The following SNX9 variants were observed in gnomAD, a reference collection of about 807,000 sequenced individuals.
SNX9 encodes the protein sorting nexin-9.
Under a neutral mutation model 89.4 loss-of-function variants are expected in SNX9, and 44 were observed. The observed-to-expected ratio is 0.49, with a 90% CI of 0.39 to 0.63. The LOEUF (loss-of-function observed/expected upper bound fraction) is 0.63. SNX9 is among the 30% of genes least tolerant of loss of function. SNX9 has a pLI of 0.00. For missense variants in SNX9, 578 were observed against 736.1 expected (o/e 0.79, Z 2.49); for synonymous variants, 236 against 247.8 (o/e 0.95, Z 0.45).
chr6:157,899,538 C>T (rs1489079823), intron 5 of SNX9, among the ~76,000 whole-genome samples: 3 of 151,968 alleles, frequency 2.0e-5, no homozygotes, highest in South Asian at 2.1e-4. Context: ...TTTGGGAGGC[C>T]GAGGCAGGCG....
At position 157,938,742 on chromosome 6, in the gene SNX9, T is replaced by C; in HGVS notation, c.1643T>C (p.Leu548Ser). ...AGAGTCAGCATCATGTCTTACGCGT[T>C]GCAAGGTAAGATGAAAGGGTCCTTA... ...VKRVSIMSYA[L>S]QAEMNHFHSN... is the part of the protein sequence containing the mutation. The change falls in exon 16 of 18, where the codon TTG becomes TCG. Residue 548 changes from leucine to serine, a missense_variant. Leu to Ser is a moderately radical substitution (Grantham distance 145). Transcript: ENST00000392185. The C allele has an allele frequency of 6.2e-7, 1 of 1,612,180 alleles. No homozygotes were observed. Among genetic ancestry groups the C allele is most frequent in the Non-Finnish European group, 8.5e-7 (1 of 1,178,768 alleles).
intron 1 of SNX9, among the ~76,000 whole-genome samples, chr6:157,843,153 CAGCTT>C (rs1781735930): frequency 6.6e-6 from 1 of 152,106 alleles, no homozygotes; most frequent in South Asian, 2.1e-4. Context: ...CCTTTCTGTA[CAGCTT>C]AGGTGGTGCC....
In SNX9 at chr6:157,943,145, G is replaced by A. The variant is rs1228601929; in HGVS notation, c.*307G>A. On this transcript the variant is annotated 3_prime_UTR_variant, in exon 18 of 18. Transcript: ENST00000392185. ...TTTCTCCCCACTGATATTTTACATA[G>A]AGTCATAATTTATATGTCTTATAAA... is the stretch of plus-strand genomic sequence containing the variant. 4.1e-6 allele frequency: 1 copy of A among 246,852 alleles called. No individual in the cohort carries two copies. Among genetic ancestry groups the A allele is most frequent in the African/African-American group, 2.2e-5 (1 of 44,624 alleles). The allele number at this position is 246,852 out of a possible 1,614,324, so 15.3% of individuals were successfully genotyped here. A position where few individuals can be genotyped will look rare whatever the true frequency, so the allele number is the denominator to read the frequency against.
chr6:157,925,083 A>T (rs1235920186), intron 10 of SNX9, among the ~76,000 whole-genome samples: 1 of 152,220 alleles, frequency 6.6e-6, no homozygotes, highest in African/African-American at 2.4e-5. Flanking sequence ...CAGCCATGAC[A>T]AGCGAAAAAC....
intron 6 of SNX9, among the ~76,000 whole-genome samples, chr6:157,902,534 G>C (rs770267840): frequency 3.1e-4 from 47 of 152,226 alleles, no homozygotes; most frequent in African/African-American, 1.1e-3. Context: ...GAGACGCATC[G>C]AGTGTTCCAG....
chr6:157,824,899 C>G (rs528832097), intron 1 of SNX9, among the ~76,000 whole-genome samples: 2 of 152,276 alleles, frequency 1.3e-5, no homozygotes, highest in African/African-American at 4.8e-5. Context: ...GCCAGACATT[C>G]CAGAAATTAC....
chr6:157,828,310 C>CAAAAAAAAAAA (rs371428014), intron 1 of SNX9, among the ~76,000 whole-genome samples: 99 of 152,110 alleles, frequency 6.5e-4, no homozygotes, highest in African/African-American at 2.3e-3. Context: ...AAAAATGTTG[C>CAAAAAAAAAAA]AGTTTTTCTA....
intron 5 of SNX9, among the ~76,000 whole-genome samples, chr6:157,899,769 G>T (rs547593516): frequency 6.6e-6 from 1 of 151,790 alleles, no homozygotes; most frequent in Admixed American, 6.6e-5. Flanking sequence ...GCGAGGCTCC[G>T]TCTCAAAAAA....
intron 2 of SNX9, among the ~76,000 whole-genome samples, chr6:157,872,211 G>A (rs903702994): frequency 1.3e-5 from 2 of 152,020 alleles, no homozygotes; most frequent in Non-Finnish European, 2.9e-5. Flanking sequence ...TTAATATTTA[G>A]ATAAAGTTTC....
chr6:157,940,474 G>A (rs1355004450), intron 16 of SNX9, among the ~76,000 whole-genome samples: 2 of 152,230 alleles, frequency 1.3e-5, no homozygotes, highest in Admixed American at 6.5e-5. Context: ...CTGGAGTACA[G>A]TGGTGCAATC....
chr6:157,889,366 G>A (rs1319086220), intron 4 of SNX9, among the ~76,000 whole-genome samples: 1 of 148,734 alleles, frequency 6.7e-6, no homozygotes, highest in African/African-American at 2.5e-5. Flanking sequence ...GGGAGGCAGA[G>A]GTTGCAGTGA....
chr6:157,896,705 A>G, intron 4 of SNX9, 122 bp from the exon 5 acceptor site: 3 of 1,125,544 alleles, frequency 2.7e-6, no homozygotes, highest in Non-Finnish European at 3.9e-6. Flanking sequence ...ATTGTTTTGA[A>G]TACATTTCTA....
At chr6:157,840,446 C>CCTTTCCTTCCTTT (rs1275480852) in intron 1 of SNX9, among the ~76,000 whole-genome samples, 13 of 150,816 alleles carry the variant, frequency 8.6e-5, no homozygotes, top group African/African-American at 2.4e-4. Context: ...TCCTTTCTTT[C>CCTTTCCTTCCTTT]CTTTCCTTCC....
chr6:157,875,113 C>T lies in SNX9; in HGVS notation c.237C>T (p.Phe79=). 1.9e-6 allele frequency: 3 copies of T among 1,614,078 alleles called. No homozygotes were observed. The highest frequency in any genetic ancestry group is 2.5e-6 in the Non-Finnish European group (3 of 1,179,982). The change falls in exon 4 of 18, where the codon TTC becomes TTT. Residue 79 remains phenylalanine, a synonymous_variant. Coordinates refer to ENST00000392185, the MANE Select transcript of SNX9 (RefSeq NM_016224.5). The stretch of plus-strand genomic sequence containing the variant: ...GAAATTCAGTGGCTGACCAAGCCTT[C>T]CTTGATTCTCTCTCAGCCAGCACAG... ...SCGNSVADQA[F]LDSLSASTAQ...
chr6:157,900,614 T>C (rs1340868008), intron 5 of SNX9, among the ~76,000 whole-genome samples: 1 of 152,090 alleles, frequency 6.6e-6, no homozygotes, highest in Non-Finnish European at 1.5e-5. Flanking sequence ...GGTAGGTTAG[T>C]GAGGGATTTA....
chr6:157,922,910 A>G (rs1583239426), intron 10 of SNX9, among the ~76,000 whole-genome samples: 1 of 152,386 alleles, frequency 6.6e-6, no homozygotes, highest in East Asian at 1.9e-4. Context: ...TACAGAAACT[A>G]CAGGGAACCA....
intron 6 of SNX9, among the ~76,000 whole-genome samples, chr6:157,905,924 T>G (rs1185986737): frequency 6.6e-6 from 1 of 152,224 alleles, no homozygotes; most frequent in East Asian, 1.9e-4. Context: ...GTCAAACTGT[T>G]CTGTTTACCA....
intron 5 of SNX9, among the ~76,000 whole-genome samples, chr6:157,900,367 G>T (rs188852438): frequency 3.8e-4 from 58 of 152,258 alleles, no homozygotes; most frequent in Non-Finnish European, 7.6e-4. Flanking sequence ...AATATTAACA[G>T]GTTATCAGAT....
At chr6:157,868,760 G>T (rs1183058599) in intron 2 of SNX9, among the ~76,000 whole-genome samples, 1 of 152,176 alleles carries the variant, frequency 6.6e-6, no homozygotes, top group Non-Finnish European at 1.5e-5. Flanking sequence ...GTATTTCATT[G>T]CAGGCTTATA....
Sources: allele counts gnomAD v4.1 joint callset (sites outside exome capture counted in the v4.1 genomes callset), GRCh38; gene constraint gnomAD v4.1.1; transcripts MANE v1.5; gene names NCBI Gene and HGNC (gene_info 2026-07-23, HGNC 2026-07-21).